The following STK39 variants were observed in gnomAD, a reference collection of about 807,000 sequenced individuals.
The protein encoded by STK39 is STE20/SPS1-related proline-alanine-rich protein kinase.
STK39 carries 20 observed loss-of-function variants against 77.8 expected under a neutral mutation model. The observed-to-expected ratio is 0.26, with a 90% confidence interval of 0.18 to 0.37. The LOEUF is 0.37. Among genes scored for constraint, STK39 ranks in the 10% least tolerant of loss-of-function variants. STK39 has a pLI of 1.00. For missense variants in STK39, 479 were observed against 656.5 expected, an observed-to-expected ratio of 0.73 and a Z score of 2.95; for synonymous variants, 246 against 234.1, an observed-to-expected ratio of 1.05 and a Z score of -0.47.
chr2:168,169,982 A>G (rs962537719), intron 2 of STK39, among the ~76,000 whole-genome samples: 1 of 152,132 alleles, frequency 6.6e-6, no homozygotes, highest in Non-Finnish European at 1.5e-5. Context: ...TGCACCATCC[A>G]TTGTCCTGCA....
intron 1 of STK39, among the ~76,000 whole-genome samples, chr2:168,196,176 G>T (rs781535729): frequency 1.3e-5 from 2 of 152,122 alleles, no homozygotes; most frequent in Non-Finnish European, 2.9e-5. Flanking sequence ...CTCAATTTAT[G>T]GTTTACATGA....
intron 16 of STK39, among the ~76,000 whole-genome samples, chr2:168,001,099 C>G (rs926362156): frequency 2.0e-4 from 30 of 152,206 alleles, no homozygotes; most frequent in African/African-American, 7.2e-4. Flanking sequence ...GGTTCTATAG[C>G]TCAGCAGACA....
intron 2 of STK39, among the ~76,000 whole-genome samples, chr2:168,167,903 A>C (rs1250716714): frequency 6.6e-6 from 1 of 152,198 alleles, no homozygotes; most frequent in Non-Finnish European, 1.5e-5. Flanking sequence ...GAGAAAATAC[A>C]TTTGAAAATG....
intron 12 of STK39, among the ~76,000 whole-genome samples, chr2:168,070,266 G>T (rs1477672110): frequency 2.0e-5 from 3 of 152,024 alleles, no homozygotes; most frequent in Non-Finnish European, 4.4e-5. Context: ...ACAGTTCCAA[G>T]TGGAAATCAG....
At chr2:168,062,599 C>CA (rs1479754270) in intron 14 of STK39, among the ~76,000 whole-genome samples, 5 of 152,120 alleles carry the variant, frequency 3.3e-5, no homozygotes, top group African/African-American at 1.2e-4. Flanking sequence ...TATGATAACT[C>CA]AGAGGGGTGG....
rs1309962705 is a variant in STK39 at position 168,161,921 on chromosome 2, ACATAT to A, written c.573-84_573-80del. ...TTGATTCACTCAGGAAGATTTTAAA[ACATAT>A]CATACAACGCAGCTCTTTGACATAA... On this transcript the variant is annotated intron_variant, in intron 4 of 17. Transcript: ENST00000355999. 2.1e-4 allele frequency: 211 copies of A among 987,330 alleles called. No individual in the cohort carries two copies. The East Asian group carries it at 4.6e-3, about 21-fold the overall frequency. The allele number at this position is 987,330 out of a possible 1,614,324, so 61.2% of individuals were successfully genotyped here. A position where few individuals can be genotyped will look rare whatever the true frequency, so the allele number is the denominator to read the frequency against.
intron 16 of STK39, among the ~76,000 whole-genome samples, chr2:167,986,540 TAAAG>T (rs2105275699): frequency 6.6e-6 from 1 of 152,284 alleles, no homozygotes; most frequent in East Asian, 1.9e-4. Flanking sequence ...CCCTCTTAGA[TAAAG>T]AGAGAGGATA....
intron 10 of STK39, among the ~76,000 whole-genome samples, chr2:168,126,034 CTT>C (rs1559109601): frequency 6.6e-6 from 1 of 152,118 alleles, no homozygotes; most frequent in Non-Finnish European, 1.5e-5. Flanking sequence ...AAAATTATCT[CTT>C]AATGTTGGTT....
At chr2:167,974,125 AT>A (rs1683198680) in intron 16 of STK39, among the ~76,000 whole-genome samples, 1 of 152,146 alleles carries the variant, frequency 6.6e-6, no homozygotes, top group South Asian at 2.1e-4. Context: ...ATAATAAAAG[AT>A]TTTTGTTTGT....
chr2:168,168,251 AAAGG>A (rs1688737191), intron 2 of STK39, among the ~76,000 whole-genome samples: 1 of 152,190 alleles, frequency 6.6e-6, no homozygotes, highest in African/African-American at 2.4e-5. Flanking sequence ...AAATAAAACA[AAAGG>A]AAACTTTCAA....
In STK39 at chr2:168,240,822, G is replaced by T. The variant is rs143864865; in HGVS notation, c.208+6406C>A. Among the ~76,000 whole-genome samples the T allele has an allele frequency of 5.0e-3, 765 of 152,340 alleles. 3 individuals carry two copies. Among genetic ancestry groups the T allele is most frequent in the Non-Finnish European group, 8.0e-3 (543 of 68,030 alleles). On this transcript the variant is annotated intron_variant, in intron 1 of 17. Coordinates refer to ENST00000355999, the MANE Select transcript of STK39 (RefSeq NM_013233.3). ...AGACAGAGATGTGGATCTGGGGCAG[G>T]CAAGGGAGTACAGGAAGTCCAGAAG... is the stretch of plus-strand genomic sequence containing the variant.
intron 14 of STK39, among the ~76,000 whole-genome samples, chr2:168,024,339 G>A (rs1684645285): frequency 6.6e-6 from 1 of 152,166 alleles, no homozygotes; most frequent in South Asian, 2.1e-4. Context: ...CTGTGAGAGG[G>A]GGAAATAATA....
At chr2:167,980,829 T>C (rs1344463347) in intron 16 of STK39, among the ~76,000 whole-genome samples, 1 of 152,066 alleles carries the variant, frequency 6.6e-6, no homozygotes. Flanking sequence ...TCTTCTTCTT[T>C]TTTTAAATCT....
In STK39 at chr2:168,207,308, A is replaced by T. The variant is rs554451564; in HGVS notation, c.209-25218T>A. Among the ~76,000 whole-genome samples, 7 of 152,340 alleles carry T rather than the reference A, an allele frequency of 4.6e-5. No individual in the cohort carries two copies. In the East Asian group the frequency reaches 1.3e-3, roughly 29 times the overall value. Reference sequence around the variant, plus strand: ...TGAGAAACATACACACACCCTAACGAGGGAAGTAACTGAATACTATTCCGA... The same window carrying T: ...TGAGAAACATACACACACCCTAACGTGGGAAGTAACTGAATACTATTCCGA... On this transcript the variant is annotated intron_variant, in intron 1 of 17. Transcript: ENST00000355999.
At chr2:168,065,791 C>T (rs972445248) in intron 12 of STK39, among the ~76,000 whole-genome samples, 22 of 152,104 alleles carry the variant, frequency 1.4e-4, no homozygotes, top group African/African-American at 4.8e-4. Context: ...AATGAAAAGA[C>T]GTTGGGGTTA....
At chr2:168,059,499 G>A (rs1685608827) in intron 14 of STK39, among the ~76,000 whole-genome samples, 1 of 152,148 alleles carries the variant, frequency 6.6e-6, no homozygotes, top group Admixed American at 6.6e-5. Context: ...GAAAGGGCAA[G>A]AATCATGTTG....
At chr2:168,242,752 G>C (rs1396187598) in intron 1 of STK39, among the ~76,000 whole-genome samples, 2 of 150,102 alleles carry the variant, frequency 1.3e-5, no homozygotes, top group Non-Finnish European at 3.0e-5. Context: ...AATTAGGCAG[G>C]CATGATGGTT....
At chr2:168,029,204 C>T (rs1202912536) in intron 14 of STK39, among the ~76,000 whole-genome samples, 2 of 152,264 alleles carry the variant, frequency 1.3e-5, no homozygotes, top group Admixed American at 1.3e-4. Flanking sequence ...TTAGTACATA[C>T]TTGAGATGTC....
chr2:167,971,929 C>T (rs116502385), intron 16 of STK39, among the ~76,000 whole-genome samples: 3,188 of 152,322 alleles, frequency 0.021, 51 homozygotes, highest in Middle Eastern at 0.041. Context: ...CTGATGTCTG[C>T]GTTTTGTCTC....
Sources: allele counts gnomAD v4.1 joint callset (sites outside exome capture counted in the v4.1 genomes callset), GRCh38; gene constraint gnomAD v4.1.1; transcripts MANE v1.5; gene names NCBI Gene and HGNC (gene_info 2026-07-23, HGNC 2026-07-21).